The following MOB3A variants were observed in gnomAD, a reference collection of about 807,000 sequenced individuals.
MOB3A encodes MOB LAK.
MOB3A carries 17 observed loss-of-function variants against 17.8 expected under a neutral mutation model. The observed-to-expected ratio is 0.95, with a 90% CI of 0.65 to 1.43. The LOEUF (loss-of-function observed/expected upper bound fraction) is 1.43. Ranked by LOEUF, MOB3A falls within the 40% of genes most tolerant of loss-of-function variation. The pLI is 0.00. For synonymous variants in MOB3A, 124 were observed against 133.2 expected (o/e 0.93, Z 0.48); for missense variants, 333 against 310.8 (o/e 1.07, Z -0.54).
rs549403888 is a variant in MOB3A at position 2,081,798 on chromosome 19, C to T, written c.-119-3119G>A. The stretch of plus-strand genomic sequence containing the variant: ...ACTTGGGAGGCTGAGGCAGGAGAAT[C>T]GCTTGAACCTGGGAGGCAGAGGTTG... On this transcript the variant is annotated intron_variant, in intron 2 of 4. Coordinates refer to ENST00000357066, the MANE Select transcript of MOB3A (RefSeq NM_130807.3). Among the ~76,000 whole-genome samples, 21 of 152,248 alleles carry T rather than the reference C, an allele frequency of 1.4e-4. No homozygotes were observed. The East Asian group carries it at 3.5e-3, about 25-fold the overall frequency.
intron 1 of MOB3A, chr19:2,090,310 T>C (rs1413759727): frequency 6.6e-6 from 1 of 152,300 alleles, no homozygotes; most frequent in Non-Finnish European, 1.5e-5. Flanking sequence ...ACTTCCTTTT[T>C]CTTCTCATTT....
chr19:2,073,529 G>T, intron 4 of MOB3A, 105 bp from the exon 5 acceptor site: 1 of 1,493,180 alleles, frequency 6.7e-7, no homozygotes. Context: ...GGCAGCTGGG[G>T]GCTTCCCTGA....
intron 1 of MOB3A, among the ~76,000 whole-genome samples, chr19:2,086,422 G>A (rs575472110): frequency 1.5e-4 from 23 of 151,754 alleles, no homozygotes; most frequent in African/African-American, 5.3e-4. Context: ...GTGCAGTGGC[G>A]TGATCTCGGC....
At position 2,096,259 on chromosome 19, in the gene MOB3A, C is replaced by A; in HGVS notation, c.-307G>T. On this transcript the variant is annotated 5_prime_UTR_variant, in exon 1 of 5. Transcript: ENST00000357066. ...CTCTGCCGCCCGCCTTCGCCCCTCC[C>A]GGTACCCAACTGGCCGCCTCGGCCG... 1 of 157,312 alleles carries A rather than the reference C, an allele frequency of 6.4e-6. No individual in the cohort carries two copies. The highest frequency in any genetic ancestry group is 1.5e-4 in the South Asian group (1 of 6,478). 9.7% of individuals were successfully genotyped at this position (157,312 alleles called of 1,614,324 possible).
chr19:2,073,187 CAGACGGG>C lies in MOB3A; in HGVS notation c.*201_*207del, dbSNP rs2017360303. ...AATTACAGAGTTCACGTTTTAGTCCCAGACGGGAGACTGAGGCTCGAGACTGAGGAAG... is the reference window on the plus strand; with the variant it reads ...AATTACAGAGTTCACGTTTTAGTCCCAGACTGAGGCTCGAGACTGAGGAAG... On this transcript the variant is annotated 3_prime_UTR_variant, in exon 5 of 5. Transcript: ENST00000357066. 3.1e-6 allele frequency: 2 copies of C among 645,878 alleles called. No individual in the cohort carries two copies. The highest frequency in any genetic ancestry group is 5.5e-6 in the Non-Finnish European group (2 of 362,506). The allele number at this position is 645,878 out of a possible 1,614,324, so 40.0% of individuals were successfully genotyped here.
intron 2 of MOB3A, among the ~76,000 whole-genome samples, chr19:2,079,325 C>T (rs1198168747): frequency 1.3e-5 from 2 of 152,238 alleles, no homozygotes; most frequent in African/African-American, 4.8e-5. Flanking sequence ...CATGGCCGGA[C>T]TACGGCCTCC....
At chr19:2,079,188 GC>G (rs1380518965) in intron 2 of MOB3A, among the ~76,000 whole-genome samples, 1 of 152,270 alleles carries the variant, frequency 6.6e-6, no homozygotes, top group Non-Finnish European at 1.5e-5. Flanking sequence ...GCAGAGCCGG[GC>G]CCCAAGAGCC....
At position 2,078,503 on chromosome 19, in the gene MOB3A, G is replaced by A. The variant is rs140289197; in HGVS notation, c.58C>T (p.Arg20Cys). The change falls in exon 3 of 5, where the codon CGC becomes TGC. Residue 20 changes from arginine (R) to cysteine (C), a missense_variant. Transcript: ENST00000357066. ...FNKDKTFRPKRKFEPGTQRFE... is the reference protein window; with the variant it reads ...FNKDKTFRPKCKFEPGTQRFE... ...CGCTGGGTGCCTGGCTCAAACTTGC[G>A]CTTGGGGCGGAATGTCTTGTCCTTG... 2.6e-4 allele frequency: 424 copies of A among 1,605,698 alleles called. 1 individual carries two copies. The highest frequency in any genetic ancestry group is 3.4e-4 in the Non-Finnish European group (394 of 1,174,104).
Position 2,078,322 on chromosome 19 carries a change from CTGA to C in MOB3A, c.236_238del (p.Ile79del). The C allele has an allele frequency of 6.2e-7, 1 of 1,614,200 alleles. No homozygotes were observed. Among genetic ancestry groups the C allele is most frequent in the Non-Finnish European group, 8.5e-7 (1 of 1,180,038 alleles). ...GCAGGACTGCTCCGTGCAGCCGTCGCTGATGGTGCCGTAGATGAGGTTGACGCG... is the reference window on the plus strand; with the variant it reads ...GCAGGACTGCTCCGTGCAGCCGTCGCTGGTGCCGTAGATGAGGTTGACGCG... On this transcript the variant is annotated inframe_deletion, in exon 3 of 5. Transcript: ENST00000357066.
intron 3 of MOB3A, among the ~76,000 whole-genome samples, chr19:2,077,435 T>C (rs1167589701): frequency 6.7e-6 from 1 of 150,148 alleles, no homozygotes; most frequent in African/African-American, 2.4e-5. Flanking sequence ...AAAAGAAAGG[T>C]ACGCTGTACT....
Position 2,082,777 on chromosome 19 carries a change from A to G in MOB3A, c.-120+2398T>C, listed in dbSNP as rs1001239262. Among the ~76,000 whole-genome samples the G allele has an allele frequency of 2.0e-5, 3 of 152,086 alleles. No individual in the cohort carries two copies. The highest frequency in any genetic ancestry group is 6.6e-5 in the Admixed American group (1 of 15,266). On this transcript the variant is annotated intron_variant, in intron 2 of 4. Transcript: ENST00000357066. This position sits in a 1 kb window ranked among gnomAD's most constrained non-coding sequence, Gnocchi z 4.1. ...CCATCTTGGTTTTGCTCGGCGGGGCACAACCCCAGGGTCACCACACAGGTC... is the reference window on the plus strand; with the variant it reads ...CCATCTTGGTTTTGCTCGGCGGGGCGCAACCCCAGGGTCACCACACAGGTC...
chr19:2,081,745 G>A (rs1280091542), intron 2 of MOB3A, among the ~76,000 whole-genome samples: 11 of 151,622 alleles, frequency 7.3e-5, no homozygotes, highest in African/African-American at 2.2e-4. Context: ...TTAGCCAGGC[G>A]TGATGGTGCA....
intron 1 of MOB3A, among the ~76,000 whole-genome samples, chr19:2,089,648 A>G (rs1445831084): frequency 6.6e-6 from 1 of 151,334 alleles, no homozygotes; most frequent in African/African-American, 2.4e-5. Context: ...AGGAGGCTAC[A>G]CACATTGAAA....
chr19:2,073,516 A>G, intron 4 of MOB3A, 92 bp from the exon 5 acceptor site: 1 of 1,559,642 alleles, frequency 6.4e-7, no homozygotes, highest in Non-Finnish European at 8.8e-7. Flanking sequence ...CAGGCAGAGA[A>G]ACGGCAGCTG....
At chr19:2,086,991 A>G (rs1220351302) in intron 1 of MOB3A, among the ~76,000 whole-genome samples, 1 of 151,910 alleles carries the variant, frequency 6.6e-6, no homozygotes, top group Non-Finnish European at 1.5e-5. Context: ...GGGTCTTGCT[A>G]TGTTGTCCAG....
intron 1 of MOB3A, chr19:2,095,408 T>C (rs919858951): frequency 6.6e-6 from 1 of 152,234 alleles, no homozygotes; most frequent in African/African-American, 2.4e-5. Context: ...GGGCGCCTCC[T>C]TCCGGGGTGG....
Position 2,073,309 on chromosome 19 carries a change from G to A in MOB3A, c.*86C>T. The A allele has an allele frequency of 6.5e-7, 1 of 1,544,734 alleles. No homozygotes were observed. The highest frequency in any genetic ancestry group is 8.9e-7 in the Non-Finnish European group (1 of 1,123,510). ...CTCCCTGAGATGCTCAGGCCGGAGAGAAGCGGGATGATGGTTCCAGAGCGT... is the reference window on the plus strand; with the variant it reads ...CTCCCTGAGATGCTCAGGCCGGAGAAAAGCGGGATGATGGTTCCAGAGCGT... On this transcript the variant is annotated 3_prime_UTR_variant, in exon 5 of 5. Transcript: ENST00000357066.
intron 4 of MOB3A, among the ~76,000 whole-genome samples, chr19:2,075,024 TTTC>T (rs1167213259): frequency 6.7e-6 from 1 of 149,926 alleles, no homozygotes; most frequent in Non-Finnish European, 1.5e-5. Context: ...GCCTTAATCT[TTTC>T]TTTTCTTTTT....
At chr19:2,084,149 G>T in intron 2 of MOB3A, 1 of 501,986 alleles carries the variant, frequency 2.0e-6, no homozygotes, top group Non-Finnish European at 4.0e-6. Flanking sequence ...ACAAGACAGG[G>T]CAGCCCGAGG....
Sources: allele counts gnomAD v4.1 joint callset (sites outside exome capture counted in the v4.1 genomes callset), GRCh38; gene constraint gnomAD v4.1.1; non-coding constraint Gnocchi (gnomAD v3.1); transcripts MANE v1.5; gene names NCBI Gene and HGNC (gene_info 2026-07-23, HGNC 2026-07-21).